Variants in CTNND2 observed in about 807,000 individuals in gnomAD.
CTNND2 encodes catenin delta 2.
Under a neutral mutation model 144.4 loss-of-function variants are expected in CTNND2, and 22 were observed. That is an observed-to-expected ratio of 0.15 (90% CI 0.11 to 0.22). The LOEUF (loss-of-function observed/expected upper bound fraction) is 0.22. Among genes scored for constraint, CTNND2 ranks in the 10% least tolerant of loss-of-function variants. The probability of loss-of-function intolerance (pLI) is 1.00; values close to 1 mark genes in which losing one functional copy is unlikely to be tolerated. For missense variants in CTNND2, 1,353 were observed against 1,618.8 expected (o/e 0.84, Z 2.82); for synonymous variants, 751 against 695.6 (o/e 1.08, Z -1.25).
chr5:11,339,499 A>C (rs1390800442), intron 9 of CTNND2, among the ~76,000 whole-genome samples: 2 of 152,184 alleles, frequency 1.3e-5, no homozygotes, highest in African/African-American at 4.8e-5. Flanking sequence ...TTGATTTCAG[A>C]CTTCCAGCCT....
At chr5:11,481,960 CA>C (rs1768312775) in intron 3 of CTNND2, among the ~76,000 whole-genome samples, 1 of 152,132 alleles carries the variant, frequency 6.6e-6, no homozygotes, top group South Asian at 2.1e-4. Context: ...TTCCTTTGCA[CA>C]ATCTTTTGCA....
At chr5:11,089,027 T>C (rs1390000210) in intron 15 of CTNND2, among the ~76,000 whole-genome samples, 4 of 152,206 alleles carry the variant, frequency 2.6e-5, no homozygotes, top group Non-Finnish European at 5.9e-5. Context: ...TATGAACTTG[T>C]GTTTTTGCTG....
At chr5:11,187,745 A>C (rs868171426) in intron 11 of CTNND2, among the ~76,000 whole-genome samples, 3 of 152,316 alleles carry the variant, frequency 2.0e-5, no homozygotes, top group Middle Eastern at 6.8e-3. Flanking sequence ...AAAAATACTT[A>C]AACACATTTA....
chr5:11,469,182 T>C (rs1766933078), intron 3 of CTNND2, among the ~76,000 whole-genome samples: 1 of 152,222 alleles, frequency 6.6e-6, no homozygotes, highest in African/African-American at 2.4e-5. Flanking sequence ...CAGCTTCCTC[T>C]ACATCCAGCC....
intron 3 of CTNND2, among the ~76,000 whole-genome samples, chr5:11,555,709 T>C (rs1013307876): frequency 2.6e-4 from 39 of 150,430 alleles, no homozygotes; most frequent in African/African-American, 9.3e-4. Context: ...AGAATTAAAA[T>C]AAAAAAAAAC....
chr5:11,813,069 T>C (rs1043496154), intron 1 of CTNND2, among the ~76,000 whole-genome samples: 5 of 152,226 alleles, frequency 3.3e-5, no homozygotes, highest in Non-Finnish European at 7.3e-5. Context: ...CAGTCAATGA[T>C]GGACCGCATA....
At chr5:11,376,107 G>A (rs1757902186) in intron 7 of CTNND2, among the ~76,000 whole-genome samples, 1 of 152,050 alleles carries the variant, frequency 6.6e-6, no homozygotes. Context: ...ACCCTCATGG[G>A]ACAATGAATC....
chr5:11,217,773 T>G (rs1370580385), intron 10 of CTNND2, among the ~76,000 whole-genome samples: 2 of 152,178 alleles, frequency 1.3e-5, no homozygotes, highest in Non-Finnish European at 2.9e-5. Context: ...TATTTAATGG[T>G]GGACTCTGGT....
rs888903716 is a variant in CTNND2 at position 11,220,831 on chromosome 5, G to A, written c.1761+15860C>T. 3.3e-5 allele frequency among the ~76,000 whole-genome samples: 5 copies of A among 152,220 alleles called. No individual in the cohort carries two copies. In the East Asian group the frequency reaches 9.7e-4, roughly 29 times the overall value. On this transcript the variant is annotated intron_variant, in intron 10 of 21. Transcript: ENST00000304623. Reference sequence around the variant, plus strand: ...TCCTAATATATCACACCGTTTCCAGGGGACATACATTTCAATTGCAAGATT... The same window carrying A: ...TCCTAATATATCACACCGTTTCCAGAGGACATACATTTCAATTGCAAGATT...
At chr5:11,177,331 A>G (rs1760573344) in intron 11 of CTNND2, among the ~76,000 whole-genome samples, 1 of 152,162 alleles carries the variant, frequency 6.6e-6, no homozygotes, top group African/African-American at 2.4e-5. Flanking sequence ...TCAATTATAA[A>G]ATTCAAGGCA....
At chr5:11,759,357 T>C (rs960232220) in intron 1 of CTNND2, among the ~76,000 whole-genome samples, 13 of 152,066 alleles carry the variant, frequency 8.5e-5, no homozygotes, top group African/African-American at 2.9e-4. Flanking sequence ...TACTAGCAAA[T>C]GCTTAAAATC....
intron 1 of CTNND2, among the ~76,000 whole-genome samples, chr5:11,901,153 G>A (rs1737851003): frequency 6.6e-6 from 1 of 152,144 alleles, no homozygotes; most frequent in Non-Finnish European, 1.5e-5. Flanking sequence ...TATTTCAAAT[G>A]TAATGTTAAT....
intron 9 of CTNND2, among the ~76,000 whole-genome samples, chr5:11,338,653 G>C (rs1753953222): frequency 6.6e-6 from 1 of 152,202 alleles, no homozygotes; most frequent in African/African-American, 2.4e-5. Context: ...CCCTATGCCA[G>C]AACCTGCCTT....
chr5:11,458,170 C>T (rs1378854527), intron 3 of CTNND2, among the ~76,000 whole-genome samples: 1 of 152,182 alleles, frequency 6.6e-6, no homozygotes, highest in Non-Finnish European at 1.5e-5. Context: ...TCTCTCTAGT[C>T]CTCACCAAGG....
At chr5:11,319,867 T>A (rs1216449168) in intron 9 of CTNND2, among the ~76,000 whole-genome samples, 1 of 152,254 alleles carries the variant, frequency 6.6e-6, no homozygotes, top group Admixed American at 6.5e-5. Flanking sequence ...TTTGTTTTTT[T>A]GGATTTTCTT....
intron 16 of CTNND2, among the ~76,000 whole-genome samples, chr5:11,055,692 G>A (rs754451554): frequency 2.6e-5 from 4 of 152,210 alleles, no homozygotes; most frequent in Non-Finnish European, 5.9e-5. Context: ...AGCTGGGTGT[G>A]CTGGGGCATG....
At chr5:11,323,483 G>T (rs1044817937) in intron 9 of CTNND2, among the ~76,000 whole-genome samples, 1 of 152,146 alleles carries the variant, frequency 6.6e-6, no homozygotes, top group Admixed American at 6.6e-5. Flanking sequence ...AGTCATTGGG[G>T]TCTTATCCTT....
At chr5:11,628,649 T>C (rs775497599) in intron 2 of CTNND2, among the ~76,000 whole-genome samples, 34 of 152,160 alleles carry the variant, frequency 2.2e-4, no homozygotes, top group Non-Finnish European at 3.8e-4. Flanking sequence ...ATTATAAGAC[T>C]CTATGCTACA....
intron 1 of CTNND2, among the ~76,000 whole-genome samples, chr5:11,735,116 A>G (rs1787606797): frequency 6.6e-6 from 1 of 152,246 alleles, no homozygotes; most frequent in South Asian, 2.1e-4. Context: ...ATTAAATATG[A>G]TTTGGCAAAA....
Sources: gnomAD v4.1 joint callset for allele counts (sites outside exome capture counted in the v4.1 genomes callset) on GRCh38, gnomAD v4.1.1 for gene constraint, MANE v1.5 for transcripts, NCBI Gene and HGNC (gene_info 2026-07-23, HGNC 2026-07-21) for gene names.